The following LRP2 variants were observed in gnomAD, a reference collection of about 807,000 sequenced individuals.
LRP2 encodes the protein low-density lipoprotein receptor-related protein 2.
Under a neutral mutation model 531.0 loss-of-function variants are expected in LRP2, and 172 were observed. The observed-to-expected ratio is 0.32, with a 90% CI of 0.29 to 0.37. The LOEUF (loss-of-function observed/expected upper bound fraction) is 0.37. LRP2 is among the 10% of genes least tolerant of loss of function. The pLI, the probability that LRP2 is intolerant of heterozygous loss-of-function variation, is 1.00. For missense variants in LRP2, 5,167 were observed against 5,868.3 expected, an observed-to-expected ratio of 0.88 and a Z score of 3.90; for synonymous variants, 1,992 against 2,027.6, an observed-to-expected ratio of 0.98 and a Z score of 0.47.
chr2:169,277,013 G>A lies in LRP2; in HGVS notation c.1772+732C>T, dbSNP rs1037831260. Among the ~76,000 whole-genome samples the A allele has an allele frequency of 1.1e-4, 16 of 151,906 alleles. No individual in the cohort carries two copies. In the East Asian group the frequency reaches 2.7e-3, roughly 26 times the overall value. ...AGTTTGGGACCAGCCTGGGAAACAC[G>A]GTGAAATTTTATCTCTACTAAAAAT... is the stretch of plus-strand genomic sequence containing the variant. On this transcript the variant is annotated intron_variant, in intron 13 of 78. Coordinates refer to ENST00000649046, the MANE Select transcript of LRP2 (RefSeq NM_004525.3).
chr2:169,238,041 C>T, intron 27 of LRP2, 50 bp downstream of exon 27: 1 of 1,521,696 alleles, frequency 6.6e-7, no homozygotes, highest in Middle Eastern at 1.7e-4. Flanking sequence ...AGCAAACAGA[C>T]CCAAGACAGA....
chr2:169,257,836 AAC>A (rs1277908272), intron 17 of LRP2, among the ~76,000 whole-genome samples: 5 of 143,240 alleles, frequency 3.5e-5, no homozygotes, highest in African/African-American at 5.2e-5. Context: ...AAAAAAAAAA[AAC>A]ACAAAAAAAA....
intron 46 of LRP2, among the ~76,000 whole-genome samples, chr2:169,194,715 AC>A (rs1687945050): frequency 9.0e-6 from 1 of 110,608 alleles, no homozygotes; most frequent in African/African-American, 3.6e-5. Flanking sequence ...ATTGATCCAG[AC>A]TTTTTTTTTT....
At chr2:169,220,425 G>T in intron 34 of LRP2, 29 bp downstream of exon 34, 1 of 1,488,088 alleles carries the variant, frequency 6.7e-7, no homozygotes, top group Non-Finnish European at 9.4e-7. Context: ...ATGCTGCATG[G>T]AAGACACGTG....
chr2:169,327,084 T>TG (rs1367558694), intron 1 of LRP2, among the ~76,000 whole-genome samples: 3 of 133,740 alleles, frequency 2.2e-5, no homozygotes, highest in African/African-American at 8.6e-5. Flanking sequence ...GGGAGGGAGG[T>TG]GGGGGGGTCA....
intron 48 of LRP2, among the ~76,000 whole-genome samples, chr2:169,189,173 G>A (rs1218288249): frequency 6.6e-6 from 1 of 152,176 alleles, no homozygotes; most frequent in African/African-American, 2.4e-5. Context: ...AGTGAACAAA[G>A]CTAATGGTTT....
At chr2:169,219,635 T>C (rs1329928873) in intron 34 of LRP2, among the ~76,000 whole-genome samples, 2 of 151,992 alleles carry the variant, frequency 1.3e-5, no homozygotes, top group Non-Finnish European at 2.9e-5. Context: ...GAGCTAAACA[T>C]TGAGCACACA....
At chr2:169,247,768 G>A (rs1032418288) in intron 19 of LRP2, among the ~76,000 whole-genome samples, 2 of 152,194 alleles carry the variant, frequency 1.3e-5, no homozygotes, top group African/African-American at 2.4e-5. Flanking sequence ...ATGGCATTTA[G>A]TAGCAATTGG....
rs766834102 is a variant in LRP2, at chr2:169,202,745, G to C, written c.8209+11C>G. ...TTAGCTCCTACCAAAAGCGCCAAGAGTCCAACTCACCACAGACACTTTCCA... is the reference window on the plus strand; with the variant it reads ...TTAGCTCCTACCAAAAGCGCCAAGACTCCAACTCACCACAGACACTTTCCA... On this transcript the variant is annotated intron_variant, in intron 43 of 78. Coordinates refer to ENST00000649046, the MANE Select transcript of LRP2 (RefSeq NM_004525.3). The C allele has an allele frequency of 6.2e-7, 1 of 1,614,006 alleles. No individual in the cohort carries two copies. The highest frequency in any genetic ancestry group is 2.2e-5 in the East Asian group (1 of 44,880).
chr2:169,282,516 C>G (rs1018167611), intron 10 of LRP2, among the ~76,000 whole-genome samples: 3 of 152,134 alleles, frequency 2.0e-5, no homozygotes, highest in African/African-American at 7.2e-5. Context: ...TAGTTGTCGC[C>G]TACTTTTGTG....
chr2:169,312,029 CT>C (rs1684612770), intron 3 of LRP2, among the ~76,000 whole-genome samples: 1 of 151,974 alleles, frequency 6.6e-6, no homozygotes, highest in Non-Finnish European at 1.5e-5. Flanking sequence ...CAACCCCTGC[CT>C]TTTTTTGTGT....
rs761966642 is a variant in LRP2 at position 169,237,185 on chromosome 2, T to G, written c.4609A>C (p.Lys1537Gln). ...ACAGTCCTGTGGCTCCCATCAATTTTGGAGACTTCAATTGTTTCCAGAGCA... is the reference window on the plus strand; with the variant it reads ...ACAGTCCTGTGGCTCCCATCAATTTGGGAGACTTCAATTGTTTCCAGAGCA... The part of the protein sequence containing the change: ...DYALETIEVS[K>Q]IDGSHRTVLI... Residue 1537 changes from lysine (K) to glutamine (Q), a missense_variant, in exon 28 of 79, where the codon AAA becomes CAA. Around this residue, in one of 6 missense-constraint regions of LRP2, gnomAD observed 2,811 missense variants for 3,058.0 expected, o/e 0.92. Transcript: ENST00000649046. The G allele has an allele frequency of 2.5e-6, 4 of 1,613,922 alleles. No homozygotes were observed. The highest frequency in any genetic ancestry group is 3.4e-6 in the Non-Finnish European group (4 of 1,179,910).
At chr2:169,218,402 G>A (rs1688871116) in intron 34 of LRP2, among the ~76,000 whole-genome samples, 1 of 152,124 alleles carries the variant, frequency 6.6e-6, no homozygotes, top group Admixed American at 6.6e-5. Flanking sequence ...AAGCTGAAAT[G>A]TCACCTCTTT....
At chr2:169,344,134 T>A (rs527867740) in intron 1 of LRP2, among the ~76,000 whole-genome samples, 177 of 152,272 alleles carry the variant, frequency 1.2e-3, no homozygotes, top group African/African-American at 4.1e-3. Context: ...TTTATTATTA[T>A]TATACTTTAA....
In LRP2 at chr2:169,129,011, A is replaced by G. The variant is rs1558966554; in HGVS notation, c.13800+2T>C. The G allele has an allele frequency of 1.2e-6, 2 of 1,605,676 alleles. No homozygotes were observed. The highest frequency in any genetic ancestry group is 1.7e-6 in the Non-Finnish European group (2 of 1,172,402). ...GTGCTAAGAAAAATTGTTAAAAATT[A>G]CCTGTGCATAGATTGGATTTTCAAA... is the stretch of plus-strand genomic sequence containing the variant. On this transcript the variant is annotated splice_donor_variant, in intron 78 of 78. Transcript: ENST00000649046. LOFTEE classifies it high-confidence loss of function.
At chr2:169,335,298 G>GTA (rs1685373875) in intron 1 of LRP2, among the ~76,000 whole-genome samples, 1 of 152,100 alleles carries the variant, frequency 6.6e-6, no homozygotes, top group Admixed American at 6.5e-5. Flanking sequence ...AATACTGTAG[G>GTA]TGTATAATTC....
chr2:169,349,105 C>G (rs189283067), intron 1 of LRP2, among the ~76,000 whole-genome samples: 1 of 152,106 alleles, frequency 6.6e-6, no homozygotes, highest in South Asian at 2.1e-4. Flanking sequence ...AAATCCCTGC[C>G]CTTGTGCCAT....
intron 22 of LRP2, 144 bp downstream of exon 22, chr2:169,244,549 G>T: frequency 9.0e-7 from 1 of 1,109,754 alleles, no homozygotes; most frequent in Non-Finnish European, 1.3e-6. Flanking sequence ...GTAACCTATT[G>T]ACACAGAGAT....
intron 56 of LRP2, among the ~76,000 whole-genome samples, chr2:169,173,600 C>T (rs149350627): frequency 1.6e-4 from 25 of 152,272 alleles, no homozygotes; most frequent in African/African-American, 6.0e-4. Context: ...ACCCACCTTC[C>T]CTACCTCATA....
Sources: allele counts gnomAD v4.1 joint callset (sites outside exome capture counted in the v4.1 genomes callset), GRCh38; gene constraint gnomAD v4.1.1; regional missense constraint gnomAD v4.1.1; transcripts MANE v1.5; gene names NCBI Gene and HGNC (gene_info 2026-07-23, HGNC 2026-07-21).